ZNF160: variants seen among roughly 807,000 people sequenced by gnomAD.
ZNF160 encodes the protein KRAB zinc finger protein KR18.
In ZNF160, 9 loss-of-function variants were observed where a neutral mutation model predicts 13.1. That is an observed-to-expected ratio of 0.69 (90% CI 0.41 to 1.20). ZNF160 has a LOEUF of 1.20. Ranked by LOEUF, ZNF160 falls within the 50% of genes most tolerant of loss-of-function variation. ZNF160 has a pLI of 0.01. For synonymous variants in ZNF160, 293 were observed against 333.2 expected (o/e 0.88, Z 1.31); for missense variants, 838 against 988.0 (o/e 0.85, Z 2.04).
chr19:53,099,745 C>G (rs921292024), intron 1 of ZNF160, among the ~76,000 whole-genome samples: 1 of 152,178 alleles, frequency 6.6e-6, no homozygotes, highest in Non-Finnish European at 1.5e-5. Flanking sequence ...CCAATTCTGC[C>G]AAACATTAAG....
intron 1 of ZNF160, chr19:53,095,431 C>T (rs536221564): frequency 6.6e-6 from 1 of 151,938 alleles, no homozygotes; most frequent in African/African-American, 2.4e-5. Flanking sequence ...CACCATCCCA[C>T]CAGACGTTAA....
rs757182149 is a variant in ZNF160 at position 53,068,721 on chromosome 19, G to A, written c.1813C>T (p.Arg605Cys). The A allele has an allele frequency of 1.1e-5, 18 of 1,613,946 alleles. No homozygotes were observed. The African/African-American group carries it at 1.2e-4, about 11-fold the overall frequency. Residue 605 changes from arginine to cysteine, a missense_variant, in exon 6 of 6, where the codon CGT becomes TGT. Arg to Cys is a radical substitution (Grantham distance 180). Around this residue, in one of 3 missense-constraint regions of ZNF160, gnomAD observed 400 missense variants for 538.9 expected, o/e 0.74. Transcript: ENST00000683776. ...GCCTGATGAAAAGTTAGGCTTGAACGATCACTAAAGGCTCTGCCACAGTCA... is the reference window on the plus strand; with the variant it reads ...GCCTGATGAAAAGTTAGGCTTGAACAATCACTAAAGGCTCTGCCACAGTCA... ...CNDCGRAFSD[R>C]SSLTFHQAIH...
At chr19:53,075,890 C>A in intron 3 of ZNF160, 1 of 502,950 alleles carries the variant, frequency 2.0e-6, no homozygotes, top group Non-Finnish European at 4.0e-6. Flanking sequence ...AATGTGTGTG[C>A]GCTGTTGTGG....
chr19:53,076,145 A>C (rs779448253), intron 3 of ZNF160, among the ~76,000 whole-genome samples: 4 of 152,170 alleles, frequency 2.6e-5, no homozygotes, highest in Non-Finnish European at 5.9e-5. Context: ...ATGTCTCCCT[A>C]ATTCTGTCTT....
At chr19:53,093,194 C>T (rs1375133259) in intron 1 of ZNF160, among the ~76,000 whole-genome samples, 2 of 152,192 alleles carry the variant, frequency 1.3e-5, no homozygotes, top group Non-Finnish European at 2.9e-5. Flanking sequence ...CAGCACTTCA[C>T]TTTGGGAGGC....
intron 1 of ZNF160, among the ~76,000 whole-genome samples, chr19:53,101,677 T>C (rs2085451565): frequency 6.6e-6 from 1 of 152,144 alleles, no homozygotes; most frequent in South Asian, 2.1e-4. Context: ...CAGTCACTCC[T>C]TGCCTCTCTT....
chr19:53,099,666 C>T (rs2085373263), intron 1 of ZNF160, among the ~76,000 whole-genome samples: 1 of 152,054 alleles, frequency 6.6e-6, no homozygotes, highest in African/African-American at 2.4e-5. Flanking sequence ...GGACTGAGTC[C>T]CATTTAAATT....
At position 53,075,194 on chromosome 19, in the gene ZNF160, A is replaced by G; in HGVS notation, c.16-11T>C. On this transcript the variant is annotated splice_polypyrimidine_tract_variant and intron_variant, in intron 3 of 5. Transcript: ENST00000683776. ...AAATGTCAACCGTACCTAAAATGAA[A>G]AACACATTTCACCAAGTGGCTAAGG... 2 of 1,613,194 alleles carry G rather than the reference A, an allele frequency of 1.2e-6. No individual in the cohort carries two copies. The highest frequency in any genetic ancestry group is 1.7e-6 in the Non-Finnish European group (2 of 1,179,780).
chr19:53,097,508 C>T (rs1238670625), intron 1 of ZNF160, among the ~76,000 whole-genome samples: 2 of 151,628 alleles, frequency 1.3e-5, no homozygotes, highest in South Asian at 2.1e-4. Context: ...TGAAATCTCA[C>T]AAGCCCCAGT....
Position 53,068,805 on chromosome 19 carries a change from T to A in ZNF160, c.1729A>T (p.Thr577Ser). The change falls in exon 6 of 6, where the codon ACA becomes TCA. Residue 577 changes from threonine to serine, a missense_variant. Physicochemically the swap from Thr to Ser is moderately conservative, Grantham distance 58. Around this residue, in one of 3 missense-constraint regions of ZNF160, gnomAD observed 400 missense variants for 538.9 expected, o/e 0.74. Coordinates refer to ENST00000683776, the MANE Select transcript of ZNF160 (RefSeq NM_001322131.2). Reference protein sequence around the residue: ...CNECGKVFAQTSQLARHWRVH... With the variant: ...CNECGKVFAQSSQLARHWRVH... ...CTCCAATGCCTTGCAAGTTGTGATG[T>A]TTGAGCGAAGACTTTACCACATTCA... The A allele has an allele frequency of 1.2e-6, 2 of 1,612,794 alleles. No individual in the cohort carries two copies. Among genetic ancestry groups the A allele is most frequent in the Non-Finnish European group, 1.7e-6 (2 of 1,178,896 alleles).
intron 1 of ZNF160, among the ~76,000 whole-genome samples, chr19:53,093,126 C>T (rs1568502607): frequency 6.6e-6 from 1 of 152,084 alleles, no homozygotes; most frequent in Non-Finnish European, 1.5e-5. Context: ...TCAACATATT[C>T]ACAAGAGATT....
chr19:53,073,548 C>G, intron 5 of ZNF160: 3 of 1,570,938 alleles, frequency 1.9e-6, no homozygotes, highest in African/African-American at 2.7e-5. Context: ...ATAAACAGGT[C>G]TAGACGTCAG....
chr19:53,071,189 C>A (rs570647538), intron 5 of ZNF160, among the ~76,000 whole-genome samples: 1 of 151,942 alleles, frequency 6.6e-6, no homozygotes, highest in East Asian at 1.9e-4. Flanking sequence ...AAGCAAGACT[C>A]CGTCAAAAAA....
At position 53,069,410 on chromosome 19, in the gene ZNF160, C is replaced by A; in HGVS notation, c.1124G>T (p.Gly375Val). ...GTGTGAATTTTGAGTGAAGAGCTTG[C>A]CACATTCATTACATTTGAACGGTTT... ...GEKPFKCNEC[G>V]KLFTQNSHLI... The change falls in exon 6 of 6, where the codon GGC (glycine) becomes GTC (valine). Residue 375 changes from glycine (G) to valine (V), a missense_variant. This residue lies in a region of ZNF160 where 400 missense variants were observed against 538.9 expected (regional missense o/e 0.74). Transcript: ENST00000683776. This position sits in a 1 kb window ranked among gnomAD's most constrained non-coding sequence, Gnocchi z 4.4. 6.2e-7 allele frequency: 1 copy of A among 1,614,062 alleles called. No individual in the cohort carries two copies. Among genetic ancestry groups the A allele is most frequent in the African/African-American group, 1.3e-5 (1 of 75,004 alleles).
rs747988442 is a variant in ZNF160 at position 53,068,385 on chromosome 19, G to C, written c.2149C>G (p.Arg717Gly). 1.2e-6 allele frequency: 2 copies of C among 1,613,548 alleles called. No homozygotes were observed. The highest frequency in any genetic ancestry group is 2.7e-5 in the African/African-American group (2 of 74,730). Residue 717 changes from arginine to glycine, a missense_variant, in exon 6 of 6, where the codon CGT (arginine) becomes GGT (glycine). By Grantham distance (125) the Arg-to-Gly change is moderately radical. Transcript: ENST00000683776. ...CNECGKAFSV[R>G]SSLTTHQAIH... ...GCCTGATGGGTGGTTAGGCTTGAAC[G>C]AACACTGAAGGCTTTCCCACACTCA...
intron 5 of ZNF160, 62 bp downstream of exon 5, chr19:53,074,078 C>A: frequency 6.5e-7 from 1 of 1,546,290 alleles, no homozygotes; most frequent in Non-Finnish European, 8.9e-7. Context: ...GCGTGAGCTA[C>A]TGTGCCCCCT....
intron 2 of ZNF160, among the ~76,000 whole-genome samples, chr19:53,088,934 C>A (rs773347640): frequency 6.6e-6 from 1 of 152,212 alleles, no homozygotes; most frequent in Non-Finnish European, 1.5e-5. Flanking sequence ...CTCTGACTGA[C>A]CTGGTCAATG....
In ZNF160 at chr19:53,073,261, C is replaced by T. The variant is rs1338098100; in HGVS notation, c.271+879G>A. ...TGCTGAAGCCTGGAAAAACAGAATA[C>T]GCACCCCATGTAAGACTGAGGATCA... On this transcript the variant is annotated intron_variant, in intron 5 of 5. Coordinates refer to ENST00000683776, the MANE Select transcript of ZNF160 (RefSeq NM_001322131.2). The T allele has an allele frequency of 2.3e-5, 35 of 1,504,230 alleles. No homozygotes were observed. The South Asian group carries it at 2.9e-4, about 12-fold the overall frequency. 93.2% of individuals were successfully genotyped at this position (1,504,230 alleles called of 1,614,324 possible).
intron 5 of ZNF160, among the ~76,000 whole-genome samples, chr19:53,070,896 A>C (rs1404804799): frequency 6.6e-6 from 1 of 152,022 alleles, no homozygotes. Flanking sequence ...CTCTACAAAA[A>C]CAAAATAATT....
Sources: gnomAD v4.1 joint callset for allele counts (sites outside exome capture counted in the v4.1 genomes callset) on GRCh38, gnomAD v4.1.1 for gene constraint, gnomAD v4.1.1 regional missense constraint, Gnocchi (gnomAD v3.1) non-coding constraint, MANE v1.5 for transcripts, NCBI Gene and HGNC (gene_info 2026-07-23, HGNC 2026-07-21) for gene names.